The following CNBD1 variants were observed in gnomAD, a reference collection of about 807,000 sequenced individuals.
CNBD1 encodes cyclic nucleotide-binding domain-containing protein 1.
A neutral mutation model predicts 54.4 loss-of-function variants in CNBD1; 71 were observed. The ratio of observed to expected loss-of-function variants is 1.30; its 90% confidence interval spans 1.08 to 1.59. The LOEUF (loss-of-function observed/expected upper bound fraction) is 1.59. CNBD1 is among the 40% of genes most tolerant of loss of function. The pLI, the probability that CNBD1 is intolerant of heterozygous loss-of-function variation, is 0.00. For synonymous variants in CNBD1, 182 were observed against 170.7 expected, an observed-to-expected ratio of 1.07 and a Z score of -0.51; for missense variants, 659 against 518.0, an observed-to-expected ratio of 1.27 and a Z score of -2.64.
chr8:87,375,402 T>C (rs1810905024), intron 10 of CNBD1, among the ~76,000 whole-genome samples: 1 of 151,800 alleles, frequency 6.6e-6, no homozygotes, highest in African/African-American at 2.4e-5. Context: ...AAATTAAATT[T>C]TGTAAACTAT....
chr8:86,887,861 T>C (rs1808704807), intron 2 of CNBD1, among the ~76,000 whole-genome samples: 1 of 152,048 alleles, frequency 6.6e-6, no homozygotes, highest in Non-Finnish European at 1.5e-5. Context: ...TTGTAGTACT[T>C]AAAAAGCAGT....
intron 2 of CNBD1, among the ~76,000 whole-genome samples, chr8:86,896,255 T>C (rs1022415836): frequency 1.3e-5 from 2 of 152,148 alleles, no homozygotes; most frequent in African/African-American, 4.8e-5. Context: ...TTTAAATTGG[T>C]ATATAATAAC....
At chr8:87,253,050 G>A (rs894164775) in intron 6 of CNBD1, among the ~76,000 whole-genome samples, 1 of 152,146 alleles carries the variant, frequency 6.6e-6, no homozygotes, top group Non-Finnish European at 1.5e-5. Flanking sequence ...CAGGTCTAGA[G>A]AGAAAGGAGA....
intron 8 of CNBD1, among the ~76,000 whole-genome samples, chr8:87,332,281 G>T (rs1347129311): frequency 6.6e-6 from 1 of 151,936 alleles, no homozygotes; most frequent in Non-Finnish European, 1.5e-5. Flanking sequence ...GCAGGAGGCG[G>T]AGGTTGCAGT....
chr8:87,124,168 C>T (rs1403870538), intron 4 of CNBD1, among the ~76,000 whole-genome samples: 3 of 151,506 alleles, frequency 2.0e-5, no homozygotes, highest in Non-Finnish European at 4.4e-5. Context: ...AAGGACACTA[C>T]AAGAAAAATA....
chr8:87,095,544 A>G (rs1392830773), intron 4 of CNBD1, among the ~76,000 whole-genome samples: 2 of 152,210 alleles, frequency 1.3e-5, no homozygotes, highest in Admixed American at 6.5e-5. Flanking sequence ...GTATGTGTCT[A>G]CGTCCTCTTT....
intron 8 of CNBD1, among the ~76,000 whole-genome samples, chr8:87,310,980 C>T (rs550989806): frequency 6.6e-6 from 1 of 152,006 alleles, no homozygotes; most frequent in African/African-American, 2.4e-5. Context: ...AGCCTAAGAC[C>T]TCAAAATATA....
At chr8:86,873,827 TAC>T (rs1808476877) in intron 1 of CNBD1, among the ~76,000 whole-genome samples, 1 of 152,224 alleles carries the variant, frequency 6.6e-6, no homozygotes, top group African/African-American at 2.4e-5. Flanking sequence ...ATCATAATCT[TAC>T]AGATGTTGGA....
intron 4 of CNBD1, among the ~76,000 whole-genome samples, chr8:87,154,735 G>T (rs1281382448): frequency 6.6e-6 from 1 of 152,148 alleles, no homozygotes; most frequent in Non-Finnish European, 1.5e-5. Context: ...CCTTGAAGTT[G>T]ATATTAGAAC....
chr8:87,015,295 G>A (rs1204626982), intron 4 of CNBD1, among the ~76,000 whole-genome samples: 1 of 152,052 alleles, frequency 6.6e-6, no homozygotes, highest in Non-Finnish European at 1.5e-5. Flanking sequence ...CCATTCTCTT[G>A]CATCAGCCTC....
intron 4 of CNBD1, among the ~76,000 whole-genome samples, chr8:87,004,053 C>T (rs975867323): frequency 2.0e-5 from 3 of 152,092 alleles, no homozygotes; most frequent in South Asian, 4.2e-4. Flanking sequence ...CGTGACATAC[C>T]GTATATATAT....
chr8:86,870,502 G>A (rs1808428715), intron 1 of CNBD1, among the ~76,000 whole-genome samples: 1 of 151,986 alleles, frequency 6.6e-6, no homozygotes, highest in Admixed American at 6.6e-5. Context: ...TGGCCAACAC[G>A]ATAGTACTCT....
At chr8:87,379,510 A>C (rs1358562886) in intron 10 of CNBD1, among the ~76,000 whole-genome samples, 1 of 152,042 alleles carries the variant, frequency 6.6e-6, no homozygotes, top group Non-Finnish European at 1.5e-5. Flanking sequence ...ATGTAAAAGA[A>C]CAGAATTTAT....
chr8:87,027,254 G>T (rs1039604370), intron 4 of CNBD1, among the ~76,000 whole-genome samples: 1 of 151,914 alleles, frequency 6.6e-6, no homozygotes, highest in East Asian at 1.9e-4. Context: ...AGCTCCCATG[G>T]CAGTTTTATT....
At chr8:87,339,539 A>G (rs568756192) in intron 8 of CNBD1, among the ~76,000 whole-genome samples, 29 of 151,844 alleles carry the variant, frequency 1.9e-4, no homozygotes, top group Admixed American at 1.9e-3. Flanking sequence ...CAGTTTGTTC[A>G]GCATTTTGCT....
In CNBD1 at chr8:87,300,927, A is replaced by C. The variant is rs1013381730; in HGVS notation, c.1042+14256A>C. 3.3e-5 allele frequency among the ~76,000 whole-genome samples: 5 copies of C among 152,282 alleles called. No homozygotes were observed. The East Asian group carries it at 9.7e-4, about 29-fold the overall frequency. ...AACAAAATGTTGGTTCTTTGAAAAA[A>C]TAAATAAAATTGATAGACCATTGGC... is the stretch of plus-strand genomic sequence containing the variant. On this transcript the variant is annotated intron_variant, in intron 8 of 10. Coordinates refer to ENST00000518476, the MANE Select transcript of CNBD1 (RefSeq NM_173538.3).
chr8:87,328,270 A>G (rs977364041), intron 8 of CNBD1, among the ~76,000 whole-genome samples: 1 of 152,086 alleles, frequency 6.6e-6, no homozygotes, highest in East Asian at 1.9e-4. Context: ...ACCCTTGTCA[A>G]GATCAGTTGA....
intron 4 of CNBD1, among the ~76,000 whole-genome samples, chr8:87,030,008 TA>T (rs1809746445): frequency 6.6e-6 from 1 of 152,218 alleles, no homozygotes; most frequent in South Asian, 2.1e-4. Flanking sequence ...ATATGCTTTT[TA>T]AAAGTGAATT....
intron 4 of CNBD1, among the ~76,000 whole-genome samples, chr8:87,143,099 G>A (rs16892261): frequency 0.022 from 3,347 of 152,100 alleles, 132 homozygotes; most frequent in African/African-American, 0.074. Context: ...CTTTTACTTG[G>A]CCTTTGCACC....
Sources: gnomAD v4.1 joint callset for allele counts (sites outside exome capture counted in the v4.1 genomes callset) on GRCh38, gnomAD v4.1.1 for gene constraint, MANE v1.5 for transcripts, NCBI Gene and HGNC (gene_info 2026-07-23, HGNC 2026-07-21) for gene names.